GNA14: variants seen among roughly 807,000 people sequenced by gnomAD.
The protein encoded by GNA14 is G protein subunit alpha 14.
In GNA14, 50 loss-of-function variants were observed where a neutral mutation model predicts 42.0. That is an observed-to-expected ratio of 1.19 (90% CI 0.95 to 1.51). GNA14 has a LOEUF of 1.51. Among genes scored for constraint, GNA14 ranks in the 40% most tolerant of loss-of-function variants. The pLI, the probability that GNA14 is intolerant of heterozygous loss-of-function variation, is 0.00. For missense variants in GNA14, 473 were observed against 446.2 expected (o/e 1.06, Z -0.54); for synonymous variants, 173 against 163.1 (o/e 1.06, Z -0.46).
intron 2 of GNA14, among the ~76,000 whole-genome samples, chr9:77,458,998 T>A (rs928468300): frequency 1.3e-5 from 2 of 151,468 alleles, no homozygotes; most frequent in Admixed American, 6.6e-5. Flanking sequence ...TCGCCCTCCA[T>A]CCCTTGCTCA....
chr9:77,613,523 C>T (rs527546887), intron 1 of GNA14, among the ~76,000 whole-genome samples: 31 of 152,196 alleles, frequency 2.0e-4, no homozygotes, highest in African/African-American at 6.3e-4. Context: ...TTGCTAACAG[C>T]GTAGATCTTA....
intron 1 of GNA14, among the ~76,000 whole-genome samples, chr9:77,629,875 T>TA (rs1824069734): frequency 6.6e-6 from 1 of 151,822 alleles, no homozygotes; most frequent in African/African-American, 2.4e-5. Context: ...ACTTAAAGTA[T>TA]AAAAAAAAGA....
rs186549839 is a variant in GNA14, at chr9:77,625,476, A to G, written c.124+22194T>C. On this transcript the variant is annotated intron_variant, in intron 1 of 6. Transcript: ENST00000341700. Reference sequence around the variant, plus strand: ...AAATGAAGAAAAAAATGTTAAGGGCAGCCAGAGAGAAAGGTCGGGTTACCC... The same window carrying G: ...AAATGAAGAAAAAAATGTTAAGGGCGGCCAGAGAGAAAGGTCGGGTTACCC... Among the ~76,000 whole-genome samples the G allele has an allele frequency of 2.2e-3, 329 of 152,338 alleles. 2 individuals are homozygous for G. Among genetic ancestry groups the G allele is most frequent in the African/African-American group, 6.7e-3 (278 of 41,584 alleles).
At chr9:77,454,793 C>T (rs906325375) in intron 2 of GNA14, among the ~76,000 whole-genome samples, 3 of 152,046 alleles carry the variant, frequency 2.0e-5, no homozygotes, top group South Asian at 2.1e-4. Flanking sequence ...CTTTCTAATG[C>T]GAACAGTCAG....
chr9:77,542,809 T>C (rs986319746), intron 1 of GNA14, among the ~76,000 whole-genome samples: 1 of 152,202 alleles, frequency 6.6e-6, no homozygotes, highest in Non-Finnish European at 1.5e-5. Flanking sequence ...GGTGTTGGAC[T>C]GTGTTCGCTG....
intron 1 of GNA14, among the ~76,000 whole-genome samples, chr9:77,613,039 AAAG>A (rs1204523581): frequency 3.9e-5 from 6 of 152,208 alleles, no homozygotes; most frequent in Middle Eastern, 3.2e-3. Flanking sequence ...CAGCCTTTAA[AAAG>A]AAGGAAATCC....
intron 2 of GNA14, among the ~76,000 whole-genome samples, chr9:77,448,950 G>A (rs1458419795): frequency 6.6e-6 from 1 of 152,160 alleles, no homozygotes; most frequent in African/African-American, 2.4e-5. Context: ...TTTAGATTGT[G>A]GACCTGCCCC....
chr9:77,521,340 T>A (rs1837351798), intron 2 of GNA14, among the ~76,000 whole-genome samples: 1 of 152,082 alleles, frequency 6.6e-6, no homozygotes, highest in Non-Finnish European at 1.5e-5. Flanking sequence ...TTCCCAAAGG[T>A]TCGTGCAGAA....
At chr9:77,603,905 C>T (rs1327795824) in intron 1 of GNA14, among the ~76,000 whole-genome samples, 2 of 129,606 alleles carry the variant, frequency 1.5e-5, no homozygotes, top group Non-Finnish European at 1.5e-5. Flanking sequence ...GATTGCACCA[C>T]TGCACTCCAG....
At chr9:77,473,707 C>G (rs557629584) in intron 2 of GNA14, among the ~76,000 whole-genome samples, 6 of 143,312 alleles carry the variant, frequency 4.2e-5, no homozygotes, top group African/African-American at 1.5e-4. Flanking sequence ...AAGGTTTTTT[C>G]AAAACCTTGA....
rs549426494 is a variant in GNA14 at position 77,529,386 on chromosome 9, C to A, written c.125-133G>T. On this transcript the variant is annotated intron_variant, in intron 1 of 6. Coordinates refer to ENST00000341700, the MANE Select transcript of GNA14 (RefSeq NM_004297.4). Reference sequence around the variant, plus strand: ...GATGGGTTGGATTTGGAAGGGACTGCCAAATGGTTATGCAGTTTTCGGTTA... The same window carrying A: ...GATGGGTTGGATTTGGAAGGGACTGACAAATGGTTATGCAGTTTTCGGTTA... 2.1e-4 allele frequency: 158 copies of A among 740,176 alleles called. No individual in the cohort carries two copies. In the African/African-American group the frequency reaches 2.6e-3, roughly 12 times the overall value. The allele number at this position is 740,176 out of a possible 1,614,324, so 45.9% of individuals were successfully genotyped here.
At chr9:77,460,980 A>G (rs966301070) in intron 2 of GNA14, among the ~76,000 whole-genome samples, 2 of 152,222 alleles carry the variant, frequency 1.3e-5, no homozygotes, top group African/African-American at 4.8e-5. Context: ...TAAAGTATAA[A>G]GTTAGTTTGT....
intron 1 of GNA14, among the ~76,000 whole-genome samples, chr9:77,583,301 C>T (rs1253183535): frequency 6.6e-6 from 1 of 152,202 alleles, no homozygotes; most frequent in East Asian, 1.9e-4. Flanking sequence ...ATTAAATTTA[C>T]ACCCGAGGTC....
intron 1 of GNA14, among the ~76,000 whole-genome samples, chr9:77,628,039 CAA>C (rs1457377279): frequency 5.9e-5 from 9 of 152,200 alleles, no homozygotes; most frequent in African/African-American, 2.2e-4. Context: ...GCAACTTCAG[CAA>C]AGTCTCAGGA....
At position 77,604,847 on chromosome 9, in the gene GNA14, C is replaced by T. The variant is rs146628979; in HGVS notation, c.124+42823G>A. On this transcript the variant is annotated intron_variant, in intron 1 of 6. Coordinates refer to ENST00000341700, the MANE Select transcript of GNA14 (RefSeq NM_004297.4). ...ACCAATGATTCTATCATTCTTTCTG[C>T]TTTGCTCACTGATTCAGCATCCCCC... Among the ~76,000 whole-genome samples, 19 of 152,346 alleles carry T rather than the reference C, an allele frequency of 1.2e-4. No homozygotes were observed. The East Asian group carries it at 3.5e-3, about 28-fold the overall frequency.
chr9:77,594,825 C>CA (rs1210578605), intron 1 of GNA14, among the ~76,000 whole-genome samples: 1 of 152,222 alleles, frequency 6.6e-6, no homozygotes, highest in African/African-American at 2.4e-5. Flanking sequence ...TCTCCGTGTG[C>CA]ATGGGAGAGC....
intron 2 of GNA14, among the ~76,000 whole-genome samples, chr9:77,492,085 G>A (rs773211652): frequency 2.6e-5 from 4 of 151,960 alleles, no homozygotes; most frequent in Admixed American, 6.6e-5. Flanking sequence ...AATTAAGAAG[G>A]AAATTTAAAA....
At chr9:77,570,317 A>G (rs969680690) in intron 1 of GNA14, among the ~76,000 whole-genome samples, 3 of 152,166 alleles carry the variant, frequency 2.0e-5, no homozygotes, top group African/African-American at 7.2e-5. Flanking sequence ...GCATCACCAC[A>G]ATCTCATTTT....
chr9:77,594,536 T>C (rs1269960419), intron 1 of GNA14, among the ~76,000 whole-genome samples: 1 of 152,228 alleles, frequency 6.6e-6, no homozygotes, highest in African/African-American at 2.4e-5. Flanking sequence ...TCTGAAGAAC[T>C]TGAGCTGAGG....
Sources: gnomAD v4.1 joint callset for allele counts (sites outside exome capture counted in the v4.1 genomes callset) on GRCh38, gnomAD v4.1.1 for gene constraint, MANE v1.5 for transcripts, NCBI Gene and HGNC (gene_info 2026-07-23, HGNC 2026-07-21) for gene names.